TNS3: variants seen among roughly 807,000 people sequenced by gnomAD.
TNS3 encodes the protein tensin-3.
Under a neutral mutation model 140.9 loss-of-function variants are expected in TNS3, and 45 were observed. That is an observed-to-expected ratio of 0.32 (90% CI 0.25 to 0.41). The LOEUF (loss-of-function observed/expected upper bound fraction) is 0.41. TNS3 is among the 10% of genes least tolerant of loss of function. The probability of loss-of-function intolerance (pLI) is 1.00; values close to 1 mark genes in which losing one functional copy is unlikely to be tolerated. For synonymous variants in TNS3, 815 were observed against 788.4 expected, an observed-to-expected ratio of 1.03 and a Z score of -0.56; for missense variants, 1,716 against 1,906.7, an observed-to-expected ratio of 0.90 and a Z score of 1.86.
At chr7:47,532,456 G>T (rs148501896) in intron 1 of TNS3, among the ~76,000 whole-genome samples, 2 of 152,182 alleles carry the variant, frequency 1.3e-5, no homozygotes, top group South Asian at 4.1e-4. Flanking sequence ...GCTGCACAGA[G>T]GAGCTACCCT....
intron 16 of TNS3, among the ~76,000 whole-genome samples, chr7:47,387,317 T>A (rs2151264608): frequency 6.6e-6 from 1 of 152,282 alleles, no homozygotes; most frequent in Middle Eastern, 3.4e-3. Context: ...AGAACCAACT[T>A]GGAATCCTGG....
chr7:47,431,280 C>CA (rs1322034465), intron 8 of TNS3, among the ~76,000 whole-genome samples: 2 of 151,946 alleles, frequency 1.3e-5, no homozygotes, highest in Non-Finnish European at 2.9e-5. Flanking sequence ...TGTTAAAAGA[C>CA]AAAAAACTCT....
intron 1 of TNS3, among the ~76,000 whole-genome samples, chr7:47,570,425 A>T (rs1032473080): frequency 1.3e-5 from 2 of 152,226 alleles, no homozygotes; most frequent in African/African-American, 4.8e-5. Context: ...ATAACACAAC[A>T]ACTTGCAATG....
chr7:47,518,567 G>A (rs566318350), intron 2 of TNS3, among the ~76,000 whole-genome samples: 1 of 152,240 alleles, frequency 6.6e-6, no homozygotes, highest in South Asian at 2.1e-4. Context: ...AGAGGCCGAC[G>A]CCTGAATTCC....
At chr7:47,479,309 C>T (rs1190444333) in intron 4 of TNS3, among the ~76,000 whole-genome samples, 2 of 152,198 alleles carry the variant, frequency 1.3e-5, no homozygotes, top group Non-Finnish European at 2.9e-5. Flanking sequence ...CAGCTGCCAC[C>T]AGGAAAACAG....
At chr7:47,577,944 A>C (rs904110399) in intron 1 of TNS3, among the ~76,000 whole-genome samples, 1 of 152,038 alleles carries the variant, frequency 6.6e-6, no homozygotes, top group East Asian at 1.9e-4. Context: ...GATCACAGAC[A>C]TAGAATCCTT....
At chr7:47,564,907 C>T (rs1166237307) in intron 1 of TNS3, among the ~76,000 whole-genome samples, 1 of 151,846 alleles carries the variant, frequency 6.6e-6, no homozygotes, top group Non-Finnish European at 1.5e-5. Context: ...CACATTCACA[C>T]GTGGCTACCT....
At position 47,297,465 on chromosome 7, in the gene TNS3, A is replaced by C. The variant is rs77448420; in HGVS notation, c.3545-252T>G. Among the ~76,000 whole-genome samples, 290 of 152,244 alleles carry C rather than the reference A, an allele frequency of 1.9e-3. 1 individual carries two copies. Among genetic ancestry groups the C allele is most frequent in the Middle Eastern group, 3.4e-3 (1 of 294 alleles). ...TGTTGAGGAGGCAGAAAGGACAGGA[A>C]CATCCCTCTCTTTAGCTAGACTGAG... On this transcript the variant is annotated intron_variant, in intron 23 of 30. Transcript: ENST00000311160.
At chr7:47,362,851 A>C (rs1469110492) in intron 17 of TNS3, among the ~76,000 whole-genome samples, 1 of 144,092 alleles carries the variant, frequency 6.9e-6, no homozygotes, top group African/African-American at 2.6e-5. Flanking sequence ...CATCATCACC[A>C]TCACCATTAC....
chr7:47,579,447 G>C (rs1368679119), intron 1 of TNS3: 1 of 152,202 alleles, frequency 6.6e-6, no homozygotes, highest in Non-Finnish European at 1.5e-5. Context: ...ATCTATGGGG[G>C]CCGCTGTGAG....
chr7:47,384,965 T>TG (rs1334625929), intron 16 of TNS3, among the ~76,000 whole-genome samples: 2 of 152,342 alleles, frequency 1.3e-5, no homozygotes, highest in Admixed American at 1.3e-4. Context: ...AACAACCACC[T>TG]GTTGCCAGGG....
intron 1 of TNS3, among the ~76,000 whole-genome samples, chr7:47,554,865 T>A (rs926161831): frequency 1.1e-4 from 16 of 151,802 alleles, no homozygotes; most frequent in Middle Eastern, 3.4e-3. Flanking sequence ...CCCGTCCTAC[T>A]AAAAATACAA....
intron 8 of TNS3, among the ~76,000 whole-genome samples, chr7:47,431,770 C>G (rs1278692359): frequency 6.6e-6 from 1 of 151,982 alleles, no homozygotes; most frequent in Non-Finnish European, 1.5e-5. Context: ...TGAAGACTAA[C>G]AAAATTGACA....
chr7:47,555,237 C>G (rs1433302318), intron 1 of TNS3, among the ~76,000 whole-genome samples: 1 of 150,880 alleles, frequency 6.6e-6, no homozygotes, highest in Non-Finnish European at 1.5e-5. Context: ...CCTGTCTCTA[C>G]TAAAAATACC....
intron 4 of TNS3, among the ~76,000 whole-genome samples, chr7:47,476,518 T>C (rs1797200124): frequency 6.6e-6 from 1 of 152,222 alleles, no homozygotes; most frequent in African/African-American, 2.4e-5. Flanking sequence ...AACGGTAATG[T>C]AAGCAGAAAG....
chr7:47,411,671 A>G, intron 13 of TNS3, 56 bp downstream of exon 13: 2 of 1,518,162 alleles, frequency 1.3e-6, no homozygotes, highest in South Asian at 2.4e-5. Flanking sequence ...ATTTCAAGTC[A>G]TCACCACTGG....
intron 4 of TNS3, among the ~76,000 whole-genome samples, chr7:47,468,276 A>G (rs2151727131): frequency 6.6e-6 from 1 of 152,284 alleles, no homozygotes; most frequent in South Asian, 2.1e-4. Context: ...CCCCGTCTCT[A>G]GTAAAAATAC....
chr7:47,571,684 C>T (rs1056307552), intron 1 of TNS3, among the ~76,000 whole-genome samples: 2 of 152,236 alleles, frequency 1.3e-5, no homozygotes, highest in African/African-American at 2.4e-5. Flanking sequence ...AAACGGAAGC[C>T]GGGTCTGTCT....
intron 4 of TNS3, 82 bp downstream of exon 4, chr7:47,481,021 C>A (rs1584748876): frequency 8.7e-7 from 1 of 1,154,550 alleles, no homozygotes; most frequent in East Asian, 5.8e-5. Flanking sequence ...CCAAAAGATC[C>A]CCAAAGAGGG....
Sources: allele counts gnomAD v4.1 joint callset (sites outside exome capture counted in the v4.1 genomes callset), GRCh38; gene constraint gnomAD v4.1.1; transcripts MANE v1.5; gene names NCBI Gene and HGNC (gene_info 2026-07-23, HGNC 2026-07-21).